STARD13: variants seen among roughly 807,000 people sequenced by gnomAD.
STARD13 encodes the protein stAR-related lipid transfer protein 13.
Under a neutral mutation model 106.4 loss-of-function variants are expected in STARD13, and 62 were observed. The ratio of observed to expected loss-of-function variants is 0.58; its 90% CI spans 0.48 to 0.72. The LOEUF (loss-of-function observed/expected upper bound fraction) is 0.72. STARD13 is among the 30% of genes least tolerant of loss of function. The pLI is 0.00. For missense variants in STARD13, 1,387 were observed against 1,424.0 expected, an observed-to-expected ratio of 0.97 and a Z score of 0.42; for synonymous variants, 565 against 553.0, an observed-to-expected ratio of 1.02 and a Z score of -0.31.
At chr13:33,417,424 A>G in the STARD13 span, among the ~76,000 whole-genome samples, 1 of 152,222 alleles carries the variant, frequency 6.6e-6, no homozygotes, top group Non-Finnish European at 1.5e-5. Context: ...TGGCAAGTAT[A>G]TACCCACAAG....
At chr13:33,341,761 T>C (rs2077964209) in intron 1 of STARD13, among the ~76,000 whole-genome samples, 1 of 152,056 alleles carries the variant, frequency 6.6e-6, no homozygotes, top group Admixed American at 6.5e-5. Context: ...GCAGATAGGT[T>C]AGGCCAAGGT....
the STARD13 span, among the ~76,000 whole-genome samples, chr13:33,448,867 A>G: frequency 3.3e-5 from 5 of 151,982 alleles, no homozygotes; most frequent in African/African-American, 1.2e-4. Context: ...TTTTTCATAT[A>G]TTTCTTGGCC....
the STARD13 span, among the ~76,000 whole-genome samples, chr13:33,531,005 C>G: frequency 1.3e-5 from 2 of 152,092 alleles, no homozygotes; most frequent in South Asian, 4.1e-4. Flanking sequence ...TTGTAGCTCC[C>G]ACAATTCCAC....
intron 1 of STARD13, among the ~76,000 whole-genome samples, chr13:33,330,850 C>A (rs2077828211): frequency 6.6e-6 from 1 of 152,130 alleles, no homozygotes; most frequent in Non-Finnish European, 1.5e-5. Flanking sequence ...GTAGGTTCTG[C>A]TAATTCAACA....
chr13:33,484,181 T>C, the STARD13 span, among the ~76,000 whole-genome samples: 1 of 152,134 alleles, frequency 6.6e-6, no homozygotes, highest in Non-Finnish European at 1.5e-5. Context: ...GCCAGCCAAC[T>C]TTGGGAGAAA....
chr13:33,654,349 T>C, the STARD13 span, among the ~76,000 whole-genome samples: 250 of 152,322 alleles, frequency 1.6e-3, 5 homozygotes, highest in East Asian at 0.044. Context: ...TATTATGCTA[T>C]GTGAAGAAGC....
At chr13:33,263,573 G>A (rs917255943) in intron 1 of STARD13, among the ~76,000 whole-genome samples, 4 of 152,142 alleles carry the variant, frequency 2.6e-5, no homozygotes, top group Non-Finnish European at 5.9e-5. Flanking sequence ...CCTGTTTCAC[G>A]GGGTTTGTAG....
At chr13:33,330,142 C>T (rs2077820595) in intron 1 of STARD13, among the ~76,000 whole-genome samples, 1 of 152,194 alleles carries the variant, frequency 6.6e-6, no homozygotes, top group African/African-American at 2.4e-5. Context: ...ATCATATGTT[C>T]CATTCTGAAT....
chr13:33,606,117 T>C, the STARD13 span, among the ~76,000 whole-genome samples: 1 of 152,052 alleles, frequency 6.6e-6, no homozygotes, highest in Admixed American at 6.6e-5. Context: ...CTGGCCAACA[T>C]GGTGAAACCC....
chr13:33,508,834 C>T, the STARD13 span, among the ~76,000 whole-genome samples: 1 of 152,174 alleles, frequency 6.6e-6, no homozygotes, highest in Non-Finnish European at 1.5e-5. Context: ...CTAGAGTTTA[C>T]TTATACAAAC....
the STARD13 span, among the ~76,000 whole-genome samples, chr13:33,390,402 G>C: frequency 6.6e-6 from 1 of 152,072 alleles, no homozygotes. Context: ...CCAGCTCCCT[G>C]GAACACCTGA....
At chr13:33,403,653 C>T in the STARD13 span, among the ~76,000 whole-genome samples, 15 of 152,110 alleles carry the variant, frequency 9.9e-5, no homozygotes, top group Admixed American at 6.5e-5. Flanking sequence ...ACTTCAAGTA[C>T]GCATCCCATC....
At chr13:33,465,155 C>T in the STARD13 span, among the ~76,000 whole-genome samples, 1 of 151,176 alleles carries the variant, frequency 6.6e-6, no homozygotes, top group Non-Finnish European at 1.5e-5. Context: ...TACCATTTAC[C>T]ATGATCTGTT....
chr13:33,659,795 T>C, the STARD13 span: 1 of 152,160 alleles, frequency 6.6e-6, no homozygotes, highest in East Asian at 1.9e-4. Context: ...TCCAAGAAAA[T>C]GACATCCTGA....
At chr13:33,464,000 A>C in the STARD13 span, among the ~76,000 whole-genome samples, 3 of 141,342 alleles carry the variant, frequency 2.1e-5, no homozygotes, top group Admixed American at 1.5e-4. Flanking sequence ...AACAAAAACA[A>C]GACTCCGTCT....
rs79254433 is a variant in STARD13 at position 33,281,735 on chromosome 13, C to T, written c.169+3735G>A. On this transcript the variant is annotated intron_variant, in intron 1 of 13. Transcript: ENST00000336934. ...AATAAGCCAGTCACACAAAGTGAAT[C>T]ACTGTATGATTTCACTTATATGAGG... is the stretch of plus-strand genomic sequence containing the variant. Among the ~76,000 whole-genome samples, 617 of 152,224 alleles carry T rather than the reference C, an allele frequency of 4.1e-3. 7 individuals are homozygous for T. The highest frequency in any genetic ancestry group is 0.013 in the African/African-American group (552 of 41,538).
the STARD13 span, among the ~76,000 whole-genome samples, chr13:33,444,825 C>T: frequency 6.6e-6 from 1 of 152,110 alleles, no homozygotes. Flanking sequence ...GCCTCATTTG[C>T]TGAGATCCCC....
At chr13:33,625,387 T>C in the STARD13 span, among the ~76,000 whole-genome samples, 7 of 151,808 alleles carry the variant, frequency 4.6e-5, no homozygotes, top group African/African-American at 1.4e-4. Context: ...CTGGCCAACA[T>C]AGTGAAACCC....
At chr13:33,430,903 G>A in the STARD13 span, among the ~76,000 whole-genome samples, 1 of 152,130 alleles carries the variant, frequency 6.6e-6, no homozygotes, top group Non-Finnish European at 1.5e-5. Flanking sequence ...GATTACCAGA[G>A]GCTACAAAGG....
Sources: gnomAD v4.1 joint callset for allele counts (sites outside exome capture counted in the v4.1 genomes callset) on GRCh38, gnomAD v4.1.1 for gene constraint, MANE v1.5 for transcripts, NCBI Gene and HGNC (gene_info 2026-07-23, HGNC 2026-07-21) for gene names.